The following GATAD2B variants were observed in gnomAD, a reference collection of about 807,000 sequenced individuals.
GATAD2B encodes the protein GATA zinc finger domain containing 2B, also known as transcriptional repressor p66-beta.
GATAD2B carries 8 observed loss-of-function variants against 64.3 expected under a neutral mutation model. That is an observed-to-expected ratio of 0.12 (90% CI 0.07 to 0.22). The LOEUF (loss-of-function observed/expected upper bound fraction) is 0.22. Ranked by LOEUF, GATAD2B falls within the 10% of genes least tolerant of loss-of-function variation. GATAD2B has a pLI of 1.00. For missense variants in GATAD2B, 453 were observed against 752.0 expected (o/e 0.60, Z 4.65); for synonymous variants, 281 against 271.3 (o/e 1.04, Z -0.35).
chr1:153,812,167 G>A (rs751102809), intron 8 of GATAD2B, 35 bp from the exon 9 acceptor site: 2 of 1,129,432 alleles, frequency 1.8e-6, no homozygotes, highest in Admixed American at 2.0e-5. Context: ...GATTGAGCAG[G>A]ACAGCACCCA....
At chr1:153,851,814 G>A (rs1268775558) in intron 1 of GATAD2B, among the ~76,000 whole-genome samples, 1 of 152,122 alleles carries the variant, frequency 6.6e-6, no homozygotes, top group African/African-American at 2.4e-5. Context: ...CAGTAACAGA[G>A]GGTAACACAA....
chr1:153,889,882 A>T (rs761487620), intron 1 of GATAD2B, among the ~76,000 whole-genome samples: 2 of 152,178 alleles, frequency 1.3e-5, no homozygotes, highest in Non-Finnish European at 2.9e-5. Context: ...CAATAGAAAG[A>T]TAAGAGGCCA....
At chr1:153,896,128 C>A (rs868398558) in intron 1 of GATAD2B, among the ~76,000 whole-genome samples, 47 of 151,992 alleles carry the variant, frequency 3.1e-4, no homozygotes, top group African/African-American at 1.1e-3. Flanking sequence ...CCACTGCACT[C>A]CAGCCTGGGC....
intron 1 of GATAD2B, among the ~76,000 whole-genome samples, chr1:153,840,540 T>A (rs1309035459): frequency 6.6e-6 from 1 of 151,608 alleles, no homozygotes; most frequent in African/African-American, 2.4e-5. Context: ...TTTCTCTGTG[T>A]TGGTGAAGCT....
intron 1 of GATAD2B, among the ~76,000 whole-genome samples, chr1:153,918,928 G>A (rs1331379123): frequency 1.3e-5 from 2 of 151,830 alleles, no homozygotes; most frequent in African/African-American, 4.8e-5. Flanking sequence ...TCCAGCCTGG[G>A]CAACAAGAGC....
At chr1:153,858,263 G>C (rs1406442881) in intron 1 of GATAD2B, among the ~76,000 whole-genome samples, 2 of 152,014 alleles carry the variant, frequency 1.3e-5, no homozygotes. Flanking sequence ...CCTTTATTGA[G>C]TTAAAAATCC....
intron 1 of GATAD2B, among the ~76,000 whole-genome samples, chr1:153,848,345 T>C (rs1019303679): frequency 1.3e-5 from 2 of 152,238 alleles, no homozygotes; most frequent in African/African-American, 4.8e-5. Context: ...CCAAGTCCAA[T>C]AATTATTTAC....
At chr1:153,883,913 T>C (rs1570987122) in intron 1 of GATAD2B, among the ~76,000 whole-genome samples, 1 of 152,314 alleles carries the variant, frequency 6.6e-6, no homozygotes, top group East Asian at 1.9e-4. Context: ...AAGAACTATA[T>C]AGTGGGCAGA....
chr1:153,815,646 G>A (rs1570926614), intron 7 of GATAD2B, among the ~76,000 whole-genome samples: 1 of 151,642 alleles, frequency 6.6e-6, no homozygotes, highest in African/African-American at 2.4e-5. Context: ...TAGCTGACCT[G>A]CTGAAGGGAA....
At chr1:153,908,930 C>G (rs763312825) in intron 1 of GATAD2B, among the ~76,000 whole-genome samples, 2 of 151,440 alleles carry the variant, frequency 1.3e-5, no homozygotes, top group Non-Finnish European at 2.9e-5. Context: ...CCAAAGTGCT[C>G]TGGAACACGG....
intron 1 of GATAD2B, among the ~76,000 whole-genome samples, chr1:153,880,711 G>A (rs1312607548): frequency 2.0e-5 from 3 of 151,908 alleles, no homozygotes; most frequent in Non-Finnish European, 4.4e-5. Flanking sequence ...AGGTGTGGTG[G>A]TACACGCCTG....
intron 1 of GATAD2B, among the ~76,000 whole-genome samples, chr1:153,887,748 G>C (rs1174755602): frequency 2.0e-5 from 3 of 152,118 alleles, no homozygotes; most frequent in African/African-American, 7.2e-5. Context: ...TAACTGTAGA[G>C]GCCTTCAAGA....
chr1:153,866,418 G>T (rs1676476837), intron 1 of GATAD2B, among the ~76,000 whole-genome samples: 2 of 152,066 alleles, frequency 1.3e-5, no homozygotes, highest in South Asian at 4.1e-4. Context: ...ACTTACAACT[G>T]TACAGGTGAA....
At chr1:153,873,629 GCCTCC>G (rs1676737949) in intron 1 of GATAD2B, among the ~76,000 whole-genome samples, 2 of 152,196 alleles carry the variant, frequency 1.3e-5, no homozygotes, top group African/African-American at 4.8e-5. Flanking sequence ...GGACTTTCCA[GCCTCC>G]AGAGCCGTGA....
At chr1:153,914,019 CG>C (rs747027858) in intron 1 of GATAD2B, among the ~76,000 whole-genome samples, 1 of 151,478 alleles carries the variant, frequency 6.6e-6, no homozygotes, top group Admixed American at 6.6e-5. Context: ...CCAAGGCAGG[CG>C]GATCACAAGG....
rs548493567 is a variant in GATAD2B, at chr1:153,849,838, G to T, written c.-1-21490C>A. On this transcript the variant is annotated intron_variant, in intron 1 of 10. Transcript: ENST00000368655. ...GCAGAGGTTAGGTCTCACCATGTTGGCCAGGCTGGTCTTGAACTCCTGACC... is the reference window on the plus strand; with the variant it reads ...GCAGAGGTTAGGTCTCACCATGTTGTCCAGGCTGGTCTTGAACTCCTGACC... 2.0e-5 allele frequency among the ~76,000 whole-genome samples: 3 copies of T among 152,194 alleles called. No individual in the cohort carries two copies. The South Asian group carries it at 6.2e-4, about 32-fold the overall frequency.
chr1:153,833,966 CTG>C (rs1233451775), intron 1 of GATAD2B, among the ~76,000 whole-genome samples: 1 of 151,556 alleles, frequency 6.6e-6, no homozygotes, highest in Admixed American at 6.6e-5. Flanking sequence ...CAGTAAGACC[CTG>C]TCTCTCTCTC....
chr1:153,899,685 G>A (rs921786855), intron 1 of GATAD2B, among the ~76,000 whole-genome samples: 2 of 152,062 alleles, frequency 1.3e-5, no homozygotes, highest in Admixed American at 1.3e-4. Context: ...TGCTAATAAG[G>A]TATATAAGTG....
chr1:153,898,149 CA>C (rs1441211506), intron 1 of GATAD2B, among the ~76,000 whole-genome samples: 1 of 150,864 alleles, frequency 6.6e-6, no homozygotes, highest in Admixed American at 6.6e-5. Flanking sequence ...ACAAAAAGTA[CA>C]AAAAAATTAG....
Sources: allele counts gnomAD v4.1 joint callset (sites outside exome capture counted in the v4.1 genomes callset), GRCh38; gene constraint gnomAD v4.1.1; transcripts MANE v1.5; gene names NCBI Gene and HGNC (gene_info 2026-07-23, HGNC 2026-07-21).